The following PTPN11 variants were observed in gnomAD, a reference collection of about 807,000 sequenced individuals.
The protein encoded by PTPN11 is tyrosine-protein phosphatase non-receptor type 11.
In PTPN11, 6 loss-of-function variants were observed where a neutral mutation model predicts 78.8. That is an observed-to-expected ratio of 0.08 (90% CI 0.04 to 0.15). The LOEUF is 0.15. Ranked by LOEUF, PTPN11 falls within the 10% of genes least tolerant of loss-of-function variation. The probability of loss-of-function intolerance (pLI) is 1.00; values close to 1 mark genes in which losing one functional copy is unlikely to be tolerated. For synonymous variants in PTPN11, 221 were observed against 263.5 expected (o/e 0.84, Z 1.56); for missense variants, 386 against 744.8 (o/e 0.52, Z 5.61).
chr12:112,497,408 A>C (rs1163086100), intron 13 of PTPN11, among the ~76,000 whole-genome samples: 1 of 152,132 alleles, frequency 6.6e-6, no homozygotes, highest in Admixed American at 6.6e-5. Context: ...TTAGATGCTG[A>C]GGTTGTAACA....
chr12:112,489,403 T>G (rs796436905), intron 13 of PTPN11, among the ~76,000 whole-genome samples: 5 of 152,334 alleles, frequency 3.3e-5, no homozygotes, highest in African/African-American at 1.2e-4. Flanking sequence ...CCTATCAGCC[T>G]GGCCTGCCAG....
intron 1 of PTPN11, among the ~76,000 whole-genome samples, chr12:112,446,069 C>G (rs542111254): frequency 2.6e-5 from 4 of 151,840 alleles, no homozygotes; most frequent in African/African-American, 9.7e-5. Flanking sequence ...TCCCCAGACA[C>G]CCCTACTGAA....
At chr12:112,461,701 C>T (rs780237761) in intron 6 of PTPN11, among the ~76,000 whole-genome samples, 44 of 151,758 alleles carry the variant, frequency 2.9e-4, no homozygotes, top group Admixed American at 5.9e-4. Flanking sequence ...CTGCAGAGCT[C>T]AAGTGATCCT....
In PTPN11 at chr12:112,490,603, C is replaced by T. The variant is rs148021954; in HGVS notation, c.1599+1428C>T. Among the ~76,000 whole-genome samples the T allele has an allele frequency of 3.9e-3, 593 of 152,084 alleles. 20 individuals are homozygous for T. The South Asian group carries it at 0.08, about 21-fold the overall frequency. On this transcript the variant is annotated intron_variant, in intron 13 of 15. Transcript: ENST00000351677. ...GACTACAAATTTGTGGCTCCATGCC[C>T]GGCTAATTTTTTTATCTTTATTTTG...
chr12:112,449,303 A>G (rs1375843339), intron 2 of PTPN11, among the ~76,000 whole-genome samples: 3 of 151,194 alleles, frequency 2.0e-5, no homozygotes, highest in Non-Finnish European at 3.0e-5. Flanking sequence ...CAGGAGACCA[A>G]TACCATCCTG....
intron 10 of PTPN11, among the ~76,000 whole-genome samples, chr12:112,483,752 C>T (rs2038632767): frequency 6.6e-6 from 1 of 151,988 alleles, no homozygotes; most frequent in Admixed American, 6.6e-5. Flanking sequence ...AGAAGAGGAC[C>T]CAGTAGAGCT....
rs906571815 is a variant in PTPN11 at position 112,508,816 on chromosome 12, A to G, written c.*3024A>G. ...AACCAAGGTCTTTTCAAATGTGGCTAAATGGGGATGAGGAGACACGGGTAG... is the reference window on the plus strand; with the variant it reads ...AACCAAGGTCTTTTCAAATGTGGCTGAATGGGGATGAGGAGACACGGGTAG... On this transcript the variant is annotated 3_prime_UTR_variant, in exon 16 of 16. Transcript: ENST00000351677. 1 of 152,234 alleles carries G rather than the reference A, an allele frequency of 6.6e-6. No homozygotes were observed. Among genetic ancestry groups the G allele is most frequent in the Non-Finnish European group, 1.5e-5 (1 of 68,052 alleles). 9.4% of individuals were successfully genotyped at this position (152,234 alleles called of 1,614,324 possible).
chr12:112,442,079 G>T (rs1043621388), intron 1 of PTPN11, among the ~76,000 whole-genome samples: 1 of 152,138 alleles, frequency 6.6e-6, no homozygotes, highest in Non-Finnish European at 1.5e-5. Context: ...GCCTGCCCAA[G>T]AATATCTTTT....
At chr12:112,498,162 A>C (rs950331583) in intron 13 of PTPN11, among the ~76,000 whole-genome samples, 8 of 151,814 alleles carry the variant, frequency 5.3e-5, no homozygotes, top group South Asian at 2.1e-4. Flanking sequence ...CAAAAAAAAA[A>C]CAAAAAACCC....
chr12:112,467,151 A>G (rs11614544), intron 6 of PTPN11, among the ~76,000 whole-genome samples: 15,232 of 152,128 alleles, frequency 0.1, 1,025 homozygotes, highest in Admixed American at 0.17. Flanking sequence ...ACTCCTCCAC[A>G]GTAGTGGAGT....
At chr12:112,453,145 C>T (rs1347980949) in intron 3 of PTPN11, 50 bp from the exon 4 acceptor site, 3 of 1,501,592 alleles carry the variant, frequency 2.0e-6, no homozygotes, top group Admixed American at 3.4e-5. Flanking sequence ...GAAAGAACAA[C>T]ATGAACCCAT....
chr12:112,472,142 GA>G (rs907268304), intron 6 of PTPN11, among the ~76,000 whole-genome samples: 1 of 151,746 alleles, frequency 6.6e-6, no homozygotes, highest in South Asian at 2.1e-4. Flanking sequence ...TTTTTTTAAA[GA>G]AAAAAAATTA....
intron 1 of PTPN11, among the ~76,000 whole-genome samples, chr12:112,426,957 G>T (rs1163575875): frequency 6.6e-6 from 1 of 152,076 alleles, no homozygotes; most frequent in Non-Finnish European, 1.5e-5. Flanking sequence ...AATAAATATA[G>T]ATAATGGCCG....
At chr12:112,439,084 G>A (rs1483313397) in intron 1 of PTPN11, among the ~76,000 whole-genome samples, 3 of 152,002 alleles carry the variant, frequency 2.0e-5, no homozygotes, top group African/African-American at 7.3e-5. Flanking sequence ...TATGACATGG[G>A]TACTGTTACA....
Position 112,419,143 on chromosome 12 carries a change from G to A in PTPN11, c.14+18G>A. ...TCGCGGAGGTGAGGAGCCCCGAGGGGCCCGGCGCGGGCCTCGGCCCGGCCA... is the reference window on the plus strand; with the variant it reads ...TCGCGGAGGTGAGGAGCCCCGAGGGACCCGGCGCGGGCCTCGGCCCGGCCA... On this transcript the variant is annotated intron_variant, in intron 1 of 15. Coordinates refer to ENST00000351677, the MANE Select transcript of PTPN11 (RefSeq NM_002834.5). 6.6e-7 allele frequency: 1 copy of A among 1,507,478 alleles called. No individual in the cohort carries two copies. Among genetic ancestry groups the A allele is most frequent in the African/African-American group, 1.4e-5 (1 of 69,144 alleles). The allele number at this position is 1,507,478 out of a possible 1,614,324, so 93.4% of individuals were successfully genotyped here.
intron 14 of PTPN11, among the ~76,000 whole-genome samples, chr12:112,502,779 T>C (rs930034288): frequency 6.6e-6 from 1 of 152,096 alleles, no homozygotes; most frequent in African/African-American, 2.4e-5. Context: ...ATTCCTAAAC[T>C]GAAGGCTGAC....
At chr12:112,472,647 C>T (rs1264630207) in intron 6 of PTPN11, among the ~76,000 whole-genome samples, 2 of 151,802 alleles carry the variant, frequency 1.3e-5, no homozygotes, top group Non-Finnish European at 2.9e-5. Context: ...GCTGGGATTA[C>T]AGGTGCCCAT....
chr12:112,477,645 T>A lies in PTPN11; in HGVS notation c.854-6T>A. ...CTTATGTGACCGTGGTCTCTTTTTC[T>A]TCTAGTTGATCATACCAGGGTTGTC... is the stretch of plus-strand genomic sequence containing the variant. On this transcript the variant is annotated splice_region_variant and splice_polypyrimidine_tract_variant and intron_variant, in intron 7 of 15. Transcript: ENST00000351677. 3.7e-6 allele frequency: 6 copies of A among 1,608,630 alleles called. No individual in the cohort carries two copies. The highest frequency in any genetic ancestry group is 5.1e-6 in the Non-Finnish European group (6 of 1,176,180).
In PTPN11 at chr12:112,419,018, G is replaced by T; in HGVS notation, c.-94G>T. ...CTGGCTCTGCCCCGCGTCCGGTCCC[G>T]AGCGGGCCTCCCTCGGGCCAGCCCG... On this transcript the variant is annotated 5_prime_UTR_variant, in exon 1 of 16. Transcript: ENST00000351677. The T allele has an allele frequency of 1.3e-6, 2 of 1,495,028 alleles. No individual in the cohort carries two copies. 92.6% of individuals were successfully genotyped at this position (1,495,028 alleles called of 1,614,324 possible).
Sources: allele counts gnomAD v4.1 joint callset (sites outside exome capture counted in the v4.1 genomes callset), GRCh38; gene constraint gnomAD v4.1.1; transcripts MANE v1.5; gene names NCBI Gene and HGNC (gene_info 2026-07-23, HGNC 2026-07-21).